USP24: variants seen among roughly 807,000 people sequenced by gnomAD.
USP24 encodes the protein ubiquitin specific peptidase 24.
A neutral mutation model predicts 361.6 loss-of-function variants in USP24; 97 were observed. The ratio of observed to expected loss-of-function variants is 0.27; its 90% CI spans 0.23 to 0.32. The LOEUF (loss-of-function observed/expected upper bound fraction) is 0.32. USP24 is among the 10% of genes least tolerant of loss of function. The pLI, the probability that USP24 is intolerant of heterozygous loss-of-function variation, is 1.00. For synonymous variants in USP24, 1,098 were observed against 1,124.6 expected, an observed-to-expected ratio of 0.98 and a Z score of 0.47; for missense variants, 2,353 against 3,165.6, an observed-to-expected ratio of 0.74 and a Z score of 6.16.
chr1:55,078,447 G>A (rs1645074678), intron 61 of USP24, 91 bp downstream of exon 61: 2 of 911,424 alleles, frequency 2.2e-6, no homozygotes, highest in Non-Finnish European at 3.2e-6. Flanking sequence ...TAGGCTATGA[G>A]AACAAGCATA....
intron 46 of USP24, 72 bp downstream of exon 46, chr1:55,098,404 A>T (rs1289065136): frequency 7.2e-7 from 1 of 1,388,910 alleles, no homozygotes; most frequent in Non-Finnish European, 1.0e-6. Flanking sequence ...CAAATGCAAA[A>T]TTTACAACAT....
intron 5 of USP24, among the ~76,000 whole-genome samples, chr1:55,170,459 A>G (rs981804692): frequency 6.6e-6 from 1 of 152,206 alleles, no homozygotes; most frequent in Admixed American, 6.5e-5. Context: ...AGAAGAGTTT[A>G]GCATTTGGGG....
At chr1:55,178,868 A>G (rs1650283958) in intron 1 of USP24, among the ~76,000 whole-genome samples, 1 of 152,104 alleles carries the variant, frequency 6.6e-6, no homozygotes, top group Non-Finnish European at 1.5e-5. Context: ...TCTCTACAAA[A>G]CAAAACAAAA....
Position 55,120,649 on chromosome 1 carries a change from C to T in USP24, c.4455G>A (p.Thr1485=), listed in dbSNP as rs1325788504. ...TTGGAGACCAGAGAGGCAGCTGAGC[C>T]GTGAGGATTACGCCTAGAAGAAACT... ...PNQFLLGVIL[T]AQLPLWSPTS... Residue 1485 remains threonine, a synonymous_variant, in exon 38 of 68, where the codon ACG becomes ACA. Coordinates refer to ENST00000294383, the MANE Select transcript of USP24 (RefSeq NM_015306.3). 19 of 1,559,962 alleles carry T rather than the reference C, an allele frequency of 1.2e-5. No individual in the cohort carries two copies. Among genetic ancestry groups the T allele is most frequent in the South Asian group, 5.9e-5 (5 of 84,596 alleles).
intron 55 of USP24, 47 bp downstream of exon 55, chr1:55,089,580 C>T (rs753828055): frequency 4.0e-5 from 53 of 1,323,288 alleles, no homozygotes; most frequent in Non-Finnish European, 5.2e-5. Context: ...CTCTAAATCA[C>T]TGGAAGAGAC....
chr1:55,149,711 T>C (rs1647139108), intron 16 of USP24, among the ~76,000 whole-genome samples: 1 of 152,218 alleles, frequency 6.6e-6, no homozygotes, highest in Non-Finnish European at 1.5e-5. Context: ...AGTTTTTATA[T>C]AGCTGTGCTT....
intron 16 of USP24, among the ~76,000 whole-genome samples, chr1:55,149,608 A>G (rs1268542947): frequency 6.6e-6 from 1 of 152,176 alleles, no homozygotes; most frequent in African/African-American, 2.4e-5. Flanking sequence ...CCTAGATTCT[A>G]AGACAAAGAT....
rs769097802 is a variant in USP24 at position 55,099,875 on chromosome 1, T to C, written c.5272-6A>G. The C allele has an allele frequency of 1.8e-5, 27 of 1,535,660 alleles. No individual in the cohort carries two copies. The East Asian group carries it at 6.4e-4, about 36-fold the overall frequency. On this transcript the variant is annotated splice_polypyrimidine_tract_variant and splice_region_variant and intron_variant, in intron 44 of 67. Transcript: ENST00000294383. ...TTATTCCACATCTTGAAAATCTATA[T>C]AACAAAAATTAAATGTTTTTAAAGG...
chr1:55,083,418 G>C (rs1645190580), intron 57 of USP24, 54 bp from the exon 58 acceptor site: 1 of 1,573,946 alleles, frequency 6.4e-7, no homozygotes, highest in African/African-American at 1.4e-5. Context: ...ACAAAAATTG[G>C]TTTTAAAAAC....
intron 1 of USP24, among the ~76,000 whole-genome samples, chr1:55,188,766 C>T (rs1644202857): frequency 6.6e-6 from 1 of 151,792 alleles, no homozygotes; most frequent in South Asian, 2.1e-4. Context: ...CGAGACCAGC[C>T]TGTCCAACAT....
chr1:55,071,498 G>GGC (rs947136750), intron 67 of USP24: 2 of 1,089,648 alleles, frequency 1.8e-6, no homozygotes, highest in Non-Finnish European at 2.2e-6. Context: ...AACCTGGCAA[G>GGC]GCAGAATAAA....
At chr1:55,098,995 T>A (rs546068136) in intron 45 of USP24, among the ~76,000 whole-genome samples, 1 of 152,214 alleles carries the variant, frequency 6.6e-6, no homozygotes, top group Non-Finnish European at 1.5e-5. Context: ...GTTTAGGAAG[T>A]CTGCCACATG....
intron 56 of USP24, among the ~76,000 whole-genome samples, chr1:55,084,130 A>C (rs1049323961): frequency 2.0e-5 from 3 of 152,358 alleles, no homozygotes; most frequent in Middle Eastern, 6.8e-3. Context: ...CCTAGATTTC[A>C]GAGTCAAGGG....
Position 55,089,598 on chromosome 1 carries a change from T to C in USP24, c.6668+29A>G, listed in dbSNP as rs749607482. 6 of 1,467,848 alleles carry C rather than the reference T, an allele frequency of 4.1e-6. No individual in the cohort carries two copies. The East Asian group carries it at 1.5e-4, about 36-fold the overall frequency. The allele number at this position is 1,467,848 out of a possible 1,614,324, so 90.9% of individuals were successfully genotyped here. The stretch of plus-strand genomic sequence containing the variant: ...TAAATCACTGGAAGAGACACAAATT[T>C]CTTTTAATTAAAAGACTCCAACACT... On this transcript the variant is annotated intron_variant, in intron 55 of 67. Coordinates refer to ENST00000294383, the MANE Select transcript of USP24 (RefSeq NM_015306.3).
At chr1:55,208,702 C>T (rs1319142302) in intron 1 of USP24, among the ~76,000 whole-genome samples, 1 of 151,068 alleles carries the variant, frequency 6.6e-6, no homozygotes, top group East Asian at 2.0e-4. Flanking sequence ...CTCTGGGAGG[C>T]AGAGGCAGGC....
chr1:55,186,313 T>C (rs1261993982), intron 1 of USP24, among the ~76,000 whole-genome samples: 1 of 152,230 alleles, frequency 6.6e-6, no homozygotes, highest in Non-Finnish European at 1.5e-5. Flanking sequence ...GGAACTTTTG[T>C]ACACTGCTGA....
At position 55,132,660 on chromosome 1, in the gene USP24, G is replaced by A; in HGVS notation, c.3422C>T (p.Ser1141Phe). The A allele has an allele frequency of 6.2e-7, 1 of 1,613,636 alleles. No homozygotes were observed. The highest frequency in any genetic ancestry group is 8.5e-7 in the Non-Finnish European group (1 of 1,179,706). ...CTGTTGCTTTGATGACAGGGATGGAGATTTTGAGGACTGAGAACTTGATTC... is the reference window on the plus strand; with the variant it reads ...CTGTTGCTTTGATGACAGGGATGGAAATTTTGAGGACTGAGAACTTGATTC... Reference protein sequence around the residue: ...LSESSSQSSKSPSLSSKQQHQ... With the variant: ...LSESSSQSSKFPSLSSKQQHQ... Residue 1141 changes from serine (S) to phenylalanine (F), a missense_variant, in exon 31 of 68, where the codon TCT becomes TTT. Ser to Phe is a radical substitution (Grantham distance 155, BLOSUM62 -2). Coordinates refer to ENST00000294383, the MANE Select transcript of USP24 (RefSeq NM_015306.3).
At chr1:55,145,864 G>C in intron 20 of USP24, 134 bp downstream of exon 20, 1 of 624,168 alleles carries the variant, frequency 1.6e-6, no homozygotes, top group Middle Eastern at 4.3e-4. Flanking sequence ...TATGTCTTTA[G>C]ATGCACAAGA....
chr1:55,199,694 G>A (rs1301630037), intron 1 of USP24, among the ~76,000 whole-genome samples: 1 of 151,854 alleles, frequency 6.6e-6, no homozygotes, highest in East Asian at 1.9e-4. Context: ...AATGAATCAA[G>A]GTGAAGGGTA....
Sources: allele counts gnomAD v4.1 joint callset (sites outside exome capture counted in the v4.1 genomes callset), GRCh38; gene constraint gnomAD v4.1.1; transcripts MANE v1.5; gene names NCBI Gene and HGNC (gene_info 2026-07-23, HGNC 2026-07-21).